FBXW7: variants seen among roughly 807,000 people sequenced by gnomAD.
FBXW7 encodes the protein F-box and WD repeat domain containing 7, also known as F-box/WD repeat-containing protein 7.
FBXW7 carries 11 observed loss-of-function variants against 86.3 expected under a neutral mutation model. The observed-to-expected ratio is 0.13, with a 90% confidence interval of 0.08 to 0.21. The LOEUF is 0.21. Ranked by LOEUF, FBXW7 falls within the 10% of genes least tolerant of loss-of-function variation. The probability of loss-of-function intolerance (pLI) is 1.00; values close to 1 mark genes in which losing one functional copy is unlikely to be tolerated. For synonymous variants in FBXW7, 313 were observed against 297.9 expected (o/e 1.05, Z -0.52); for missense variants, 488 against 847.4 (o/e 0.58, Z 5.27).
intron 2 of FBXW7, among the ~76,000 whole-genome samples, chr4:152,454,060 T>A (rs894259492): frequency 2.6e-5 from 4 of 152,142 alleles, no homozygotes; most frequent in Admixed American, 2.0e-4. Context: ...ACTCACAAAG[T>A]CACTATACAC....
chr4:152,331,075 C>T (rs1274041057), intron 8 of FBXW7, among the ~76,000 whole-genome samples: 1 of 151,958 alleles, frequency 6.6e-6, no homozygotes, highest in Non-Finnish European at 1.5e-5. Flanking sequence ...TTTGTATTCA[C>T]TATTTCATTT....
rs1359409446 is a variant in FBXW7, at chr4:152,337,946, A to G, written c.727-10T>C. 6.3e-7 allele frequency: 1 copy of G among 1,588,584 alleles called. No homozygotes were observed. Among genetic ancestry groups the G allele is most frequent in the Non-Finnish European group, 8.5e-7 (1 of 1,172,868 alleles). On this transcript the variant is annotated splice_polypyrimidine_tract_variant and intron_variant, in intron 6 of 13. Transcript: ENST00000281708. Reference sequence around the variant, plus strand: ...CTGGTCCACTCCAGCTCTATCAAAGAGAATTAGAAATTTTTATTGTTTTAA... The same window carrying G: ...CTGGTCCACTCCAGCTCTATCAAAGGGAATTAGAAATTTTTATTGTTTTAA...
At chr4:152,354,008 T>A (rs1408084302) in intron 4 of FBXW7, among the ~76,000 whole-genome samples, 1 of 152,140 alleles carries the variant, frequency 6.6e-6, no homozygotes, top group Non-Finnish European at 1.5e-5. Flanking sequence ...TACTCTCTGC[T>A]ATGGTGGTAA....
chr4:152,516,538 G>A (rs536442168), intron 2 of FBXW7, among the ~76,000 whole-genome samples: 16 of 152,252 alleles, frequency 1.1e-4, no homozygotes, highest in Admixed American at 3.3e-4. Context: ...GTAGAGCGAT[G>A]GAAAACTAAT....
At chr4:152,475,619 A>C (rs1744324864) in intron 2 of FBXW7, among the ~76,000 whole-genome samples, 1 of 152,242 alleles carries the variant, frequency 6.6e-6, no homozygotes, top group African/African-American at 2.4e-5. Flanking sequence ...TGTTGTCTAT[A>C]TAGAAAATCC....
At chr4:152,408,697 A>C (rs1737655043) in intron 4 of FBXW7, among the ~76,000 whole-genome samples, 1 of 152,172 alleles carries the variant, frequency 6.6e-6, no homozygotes, top group Non-Finnish European at 1.5e-5. Flanking sequence ...TATGTTGGAA[A>C]TCTTGTTCAG....
intron 4 of FBXW7, among the ~76,000 whole-genome samples, chr4:152,359,762 T>C (rs1460118094): frequency 6.6e-6 from 1 of 151,614 alleles, no homozygotes; most frequent in Non-Finnish European, 1.5e-5. Context: ...AAACTCAGTC[T>C]CAAAAAACAA....
At chr4:152,402,801 C>T (rs1737064024) in intron 4 of FBXW7, among the ~76,000 whole-genome samples, 2 of 152,212 alleles carry the variant, frequency 1.3e-5, no homozygotes, top group Non-Finnish European at 1.5e-5. Flanking sequence ...TGGCAGCAAT[C>T]TTCTCCTATG....
At chr4:152,341,326 G>A (rs764383124) in intron 6 of FBXW7, among the ~76,000 whole-genome samples, 61 of 152,230 alleles carry the variant, frequency 4.0e-4, no homozygotes, top group Admixed American at 7.2e-4. Context: ...GGCACACTCA[G>A]CTTCACAGCA....
At chr4:152,453,925 C>T (rs932707971) in intron 2 of FBXW7, among the ~76,000 whole-genome samples, 4 of 151,870 alleles carry the variant, frequency 2.6e-5, no homozygotes, top group South Asian at 2.1e-4. Flanking sequence ...AGCAATATTG[C>T]TTTATCTATC....
chr4:152,457,676 A>T (rs1235790640), intron 2 of FBXW7, among the ~76,000 whole-genome samples: 2 of 151,424 alleles, frequency 1.3e-5, no homozygotes, highest in Non-Finnish European at 2.9e-5. Context: ...GAACTCAATA[A>T]AACTGGATTT....
intron 4 of FBXW7, among the ~76,000 whole-genome samples, chr4:152,382,774 A>G (rs916165780): frequency 3.9e-5 from 6 of 152,170 alleles, no homozygotes; most frequent in African/African-American, 1.4e-4. Context: ...TATCTTGAGT[A>G]TCTATTAAGT....
intron 2 of FBXW7, among the ~76,000 whole-genome samples, chr4:152,447,171 A>C (rs1484593542): frequency 6.6e-6 from 1 of 152,216 alleles, no homozygotes; most frequent in Non-Finnish European, 1.5e-5. Flanking sequence ...TAACATGGTG[A>C]TTTGAATACC....
intron 2 of FBXW7, among the ~76,000 whole-genome samples, chr4:152,521,400 A>G (rs1032826761): frequency 6.6e-6 from 1 of 152,218 alleles, no homozygotes; most frequent in Non-Finnish European, 1.5e-5. Context: ...ACAAATATAC[A>G]TGAAAGAATA....
intron 4 of FBXW7, among the ~76,000 whole-genome samples, chr4:152,398,184 A>T (rs1490370478): frequency 6.6e-6 from 1 of 151,998 alleles, no homozygotes. Flanking sequence ...TAAAACACAA[A>T]GTAGGAGAGA....
intron 2 of FBXW7, among the ~76,000 whole-genome samples, chr4:152,469,894 A>C (rs1033824829): frequency 4.6e-5 from 7 of 152,084 alleles, no homozygotes; most frequent in African/African-American, 1.7e-4. Context: ...CATATGTGTA[A>C]ACTTAAGTAA....
At chr4:152,497,178 C>G (rs535089530) in intron 2 of FBXW7, among the ~76,000 whole-genome samples, 1 of 151,946 alleles carries the variant, frequency 6.6e-6, no homozygotes, top group South Asian at 2.1e-4. Flanking sequence ...CAAAAATTAG[C>G]CAGGTGTGGT....
At chr4:152,487,040 G>A (rs58198420) in intron 2 of FBXW7, among the ~76,000 whole-genome samples, 17 of 152,154 alleles carry the variant, frequency 1.1e-4, no homozygotes, top group African/African-American at 3.6e-4. Context: ...TTAGTTCACC[G>A]AATTAATGAA....
At chr4:152,434,964 C>A (rs536037710) in intron 2 of FBXW7, among the ~76,000 whole-genome samples, 98 of 150,186 alleles carry the variant, frequency 6.5e-4, no homozygotes, top group African/African-American at 1.6e-3. Flanking sequence ...CCGCTCCCCC[C>A]CCCCCACACA....
Sources: allele counts gnomAD v4.1 joint callset (sites outside exome capture counted in the v4.1 genomes callset), GRCh38; gene constraint gnomAD v4.1.1; transcripts MANE v1.5; gene names NCBI Gene and HGNC (gene_info 2026-07-23, HGNC 2026-07-21).